The following SYNE2 variants were observed in gnomAD, a reference collection of about 807,000 sequenced individuals.
The protein encoded by SYNE2 is nesprin-2.
Under a neutral mutation model 856.3 loss-of-function variants are expected in SYNE2, and 431 were observed. The ratio of observed to expected loss-of-function variants is 0.50; its 90% CI spans 0.47 to 0.55. The LOEUF is 0.55. Ranked by LOEUF, SYNE2 falls within the 20% of genes least tolerant of loss-of-function variation. The pLI, the probability that SYNE2 is intolerant of heterozygous loss-of-function variation, is 0.00. For synonymous variants in SYNE2, 2,923 were observed against 2,872.3 expected (o/e 1.02, Z -0.56); for missense variants, 8,129 against 8,023.2 (o/e 1.01, Z -0.50).
At chr14:64,161,966 T>G in intron 87 of SYNE2, 106 bp from the exon 88 acceptor site, 2 of 1,222,934 alleles carry the variant, frequency 1.6e-6, no homozygotes, top group Non-Finnish European at 2.4e-6. Context: ...CAGTGTCTTC[T>G]TAATGATCCA....
intron 1 of SYNE2, among the ~76,000 whole-genome samples, chr14:63,765,379 G>A (rs1886632868): frequency 6.6e-6 from 1 of 152,044 alleles, no homozygotes; most frequent in Non-Finnish European, 1.5e-5. Context: ...TTGAGATGGA[G>A]CCTCACTCTG....
intron 8 of SYNE2, among the ~76,000 whole-genome samples, chr14:63,957,867 C>G (rs1234795674): frequency 1.3e-5 from 2 of 152,016 alleles, no homozygotes; most frequent in African/African-American, 4.8e-5. Flanking sequence ...CTGCATAGCT[C>G]AGACTTGGGA....
At chr14:64,155,250 G>A (rs1050231804) in intron 85 of SYNE2, among the ~76,000 whole-genome samples, 4 of 151,812 alleles carry the variant, frequency 2.6e-5, no homozygotes, top group Non-Finnish European at 4.4e-5. Flanking sequence ...TAAAGAAAAC[G>A]TGGTCTATCC....
At chr14:63,805,039 T>A (rs1415055706) in intron 1 of SYNE2, among the ~76,000 whole-genome samples, 2 of 152,194 alleles carry the variant, frequency 1.3e-5, no homozygotes, top group African/African-American at 4.8e-5. Context: ...TTGTCAAAGA[T>A]CAAATGATTG....
rs544749995 is a variant in SYNE2 at position 63,863,911 on chromosome 14, A to G, written c.-52+10768A>G. On this transcript the variant is annotated intron_variant, in intron 1 of 115. Coordinates refer to ENST00000555002, the MANE Select transcript of SYNE2 (RefSeq NM_182914.3). ...GTGATCTTGGCTCACTGCAACCTCC[A>G]CCTCCCGGGTTCAAGCAATTCTGCC... is the stretch of plus-strand genomic sequence containing the variant. 1.4e-4 allele frequency among the ~76,000 whole-genome samples: 21 copies of G among 152,012 alleles called. No homozygotes were observed. The South Asian group carries it at 2.9e-3, about 21-fold the overall frequency.
intron 84 of SYNE2, among the ~76,000 whole-genome samples, chr14:64,149,554 A>G (rs1006125942): frequency 2.6e-5 from 4 of 152,220 alleles, no homozygotes. Flanking sequence ...GGAAAATTGT[A>G]TAGTTGAATA....
chr14:64,004,091 C>G (rs937104551), intron 30 of SYNE2, among the ~76,000 whole-genome samples: 1 of 151,932 alleles, frequency 6.6e-6, no homozygotes, highest in Non-Finnish European at 1.5e-5. Flanking sequence ...GTGGTGCGAT[C>G]TTGGCTCACT....
chr14:64,073,082 G>GT (rs1429442523), intron 52 of SYNE2, among the ~76,000 whole-genome samples: 2 of 152,062 alleles, frequency 1.3e-5, no homozygotes, highest in East Asian at 1.9e-4. Flanking sequence ...TGTCTTTTGG[G>GT]TTTTTTTATG....
chr14:64,208,003 A>T (rs1178765726), intron 100 of SYNE2: 1 of 456,060 alleles, frequency 2.2e-6, no homozygotes, highest in Non-Finnish European at 4.4e-6. Context: ...GATGACTAAA[A>T]ATGCCATGTT....
rs1206188487 is a variant in SYNE2, at chr14:63,963,882, G to T, written c.889-17G>T. On this transcript the variant is annotated splice_polypyrimidine_tract_variant and intron_variant, in intron 9 of 115. Coordinates refer to ENST00000555002, the MANE Select transcript of SYNE2 (RefSeq NM_182914.3). ...CCCGTTTAAAATATAGTTTAATTTT[G>T]TGTGTGTAAAATACAGGGAAAGGTG... 6.3e-7 allele frequency: 1 copy of T among 1,580,620 alleles called. No individual in the cohort carries two copies. Among genetic ancestry groups the T allele is most frequent in the Non-Finnish European group, 8.7e-7 (1 of 1,150,700 alleles).
chr14:63,835,898 A>G (rs7158974), intron 1 of SYNE2, among the ~76,000 whole-genome samples: 96,408 of 150,508 alleles, frequency 0.64, 31,418 homozygotes, highest in South Asian at 0.77. Context: ...CAGGAGAATC[A>G]CTTAAACCTG....
At chr14:64,110,198 G>A (rs539952581) in intron 65 of SYNE2, among the ~76,000 whole-genome samples, 4 of 152,300 alleles carry the variant, frequency 2.6e-5, no homozygotes, top group Non-Finnish European at 4.4e-5. Flanking sequence ...AGGAGAAAAT[G>A]TAAAGGTTTG....
At chr14:63,944,527 T>C (rs952755786) in intron 6 of SYNE2, among the ~76,000 whole-genome samples, 3 of 139,576 alleles carry the variant, frequency 2.1e-5, no homozygotes, top group African/African-American at 8.1e-5. Context: ...CTTTTTTTTT[T>C]TTTTTTTTTT....
At chr14:63,807,819 T>TTATATATATATATATATATATA (rs71120288) in intron 1 of SYNE2, among the ~76,000 whole-genome samples, 5 of 25,478 alleles carry the variant, frequency 2.0e-4, no homozygotes, top group Non-Finnish European at 2.6e-4. Flanking sequence ...TACTCCAGGC[T>TTATATATATATATATATATATA]TATATATATA....
At chr14:63,984,262 A>T (rs1365541649) in intron 18 of SYNE2, among the ~76,000 whole-genome samples, 6 of 152,154 alleles carry the variant, frequency 3.9e-5, no homozygotes, top group African/African-American at 1.4e-4. Flanking sequence ...GAAAGAAAAG[A>T]TATTGTTGAG....
intron 45 of SYNE2, among the ~76,000 whole-genome samples, chr14:64,037,040 G>T (rs1486661057): frequency 3.3e-5 from 5 of 152,168 alleles, no homozygotes; most frequent in Non-Finnish European, 7.3e-5. Context: ...CTCCCAGGAA[G>T]CAGCATTGGA....
chr14:63,948,770 G>GTA (rs1416411390), intron 6 of SYNE2, among the ~76,000 whole-genome samples: 34,788 of 78,446 alleles, frequency 0.44, 9,027 homozygotes, highest in South Asian at 0.57. Flanking sequence ...GTATATATAT[G>GTA]TATGTGTGTG....
intron 64 of SYNE2, 44 bp from the exon 65 acceptor site, chr14:64,107,447 C>T: frequency 2.6e-6 from 4 of 1,534,680 alleles, no homozygotes; most frequent in Non-Finnish European, 3.6e-6. Context: ...TCATGTGGCA[C>T]CAGGGCAGGA....
chr14:64,190,127 G>A lies in SYNE2; in HGVS notation c.17928G>A (p.Met5976Ile). The A allele has an allele frequency of 1.2e-6, 2 of 1,614,134 alleles. No individual in the cohort carries two copies. The highest frequency in any genetic ancestry group is 1.1e-5 in the South Asian group (1 of 91,064). Residue 5976 changes from methionine (M) to isoleucine (I), a missense_variant, in exon 99 of 116, where the codon ATG becomes ATA. Coordinates refer to ENST00000555002, the MANE Select transcript of SYNE2 (RefSeq NM_182914.3). The part of the protein sequence containing the change: ...FSENKLQLKQ[M>I]GDQLIKASNK... ...AAAACAAGTTACAGTTAAAGCAGATGGGTGACCAGTTGATCAAGGCCAGCA... is the reference window on the plus strand; with the variant it reads ...AAAACAAGTTACAGTTAAAGCAGATAGGTGACCAGTTGATCAAGGCCAGCA...
Sources: gnomAD v4.1 joint callset for allele counts (sites outside exome capture counted in the v4.1 genomes callset) on GRCh38, gnomAD v4.1.1 for gene constraint, MANE v1.5 for transcripts, NCBI Gene and HGNC (gene_info 2026-07-23, HGNC 2026-07-21) for gene names.